The following RPS6KC1 variants were observed in gnomAD, a reference collection of about 807,000 sequenced individuals.
The protein encoded by RPS6KC1 is inactive ribosomal protein S6 kinase delta-1.
RPS6KC1 carries 54 observed loss-of-function variants against 103.8 expected under a neutral mutation model. The observed-to-expected ratio is 0.52, with a 90% CI of 0.42 to 0.65. The LOEUF is 0.65. RPS6KC1 is among the 30% of genes least tolerant of loss of function. The probability of loss-of-function intolerance (pLI) is 0.00; values close to 1 mark genes in which losing one functional copy is unlikely to be tolerated. For synonymous variants in RPS6KC1, 439 were observed against 438.7 expected (o/e 1.00, Z -0.01); for missense variants, 1,151 against 1,253.8 (o/e 0.92, Z 1.24).
the RPS6KC1 span, among the ~76,000 whole-genome samples, chr1:213,622,841 A>T: frequency 6.6e-6 from 1 of 152,156 alleles, no homozygotes; most frequent in Non-Finnish European, 1.5e-5. Context: ...CTAAAACCAC[A>T]AACCACTAGG....
the RPS6KC1 span, among the ~76,000 whole-genome samples, chr1:213,816,783 C>T: frequency 7.6e-4 from 116 of 152,286 alleles, no homozygotes; most frequent in African/African-American, 2.7e-3. Context: ...GGGCTGTCTG[C>T]CTCCCAAGCC....
the RPS6KC1 span, among the ~76,000 whole-genome samples, chr1:213,404,068 G>T: frequency 6.6e-6 from 1 of 152,272 alleles, no homozygotes; most frequent in East Asian, 1.9e-4. Flanking sequence ...GGATAGTCGC[G>T]GGGGCTGGGA....
chr1:213,461,024 A>G, the RPS6KC1 span, among the ~76,000 whole-genome samples: 217 of 152,204 alleles, frequency 1.4e-3, 1 homozygote, highest in Non-Finnish European at 2.2e-3. Flanking sequence ...ACATGATTGT[A>G]TATGTAGAAA....
chr1:213,815,267 A>C, the RPS6KC1 span, among the ~76,000 whole-genome samples: 1 of 152,164 alleles, frequency 6.6e-6, no homozygotes, highest in African/African-American at 2.4e-5. Flanking sequence ...ACTGTGAGTC[A>C]ATTAAACCTC....
At chr1:213,312,312 T>G in the RPS6KC1 span, among the ~76,000 whole-genome samples, 2 of 152,070 alleles carry the variant, frequency 1.3e-5, no homozygotes, top group Admixed American at 1.3e-4. Context: ...CACTTAGGTG[T>G]CTGGGAGCAG....
the RPS6KC1 span, among the ~76,000 whole-genome samples, chr1:213,362,743 G>A: frequency 2.6e-5 from 4 of 152,204 alleles, no homozygotes; most frequent in Non-Finnish European, 4.4e-5. Flanking sequence ...GTGTTGTTGG[G>A]TGAGATTAAA....
chr1:213,687,162 T>C, the RPS6KC1 span, among the ~76,000 whole-genome samples: 1 of 152,232 alleles, frequency 6.6e-6, no homozygotes, highest in African/African-American at 2.4e-5. Flanking sequence ...GCCAACCTCC[T>C]ATTTTATCCT....
intron 3 of RPS6KC1, among the ~76,000 whole-genome samples, chr1:213,095,936 G>C (rs939345453): frequency 6.6e-6 from 1 of 152,146 alleles, no homozygotes; most frequent in Non-Finnish European, 1.5e-5. Context: ...GGGTAGTTGT[G>C]GCAATTTCTT....
the RPS6KC1 span, among the ~76,000 whole-genome samples, chr1:213,431,226 G>C: frequency 6.6e-6 from 1 of 152,174 alleles, no homozygotes; most frequent in South Asian, 2.1e-4. Flanking sequence ...GGACTTGATG[G>C]GCAAGACTGT....
the RPS6KC1 span, among the ~76,000 whole-genome samples, chr1:213,407,021 G>A: frequency 6.6e-6 from 1 of 152,072 alleles, no homozygotes; most frequent in Non-Finnish European, 1.5e-5. Flanking sequence ...TGGTGCTGAG[G>A]TGCCTTTGCT....
At chr1:213,122,335 G>A (rs561531291) in intron 5 of RPS6KC1, among the ~76,000 whole-genome samples, 85 of 152,086 alleles carry the variant, frequency 5.6e-4, no homozygotes, top group African/African-American at 2.0e-3. Flanking sequence ...GCACTGGTTG[G>A]TCTAATTGGA....
the RPS6KC1 span, among the ~76,000 whole-genome samples, chr1:213,381,290 A>G: frequency 6.6e-6 from 1 of 151,928 alleles, no homozygotes; most frequent in Admixed American, 6.6e-5. Context: ...GGAGCACAGT[A>G]TTTTTCTTTC....
the RPS6KC1 span, among the ~76,000 whole-genome samples, chr1:213,856,637 A>G: frequency 1.3e-5 from 2 of 152,244 alleles, no homozygotes; most frequent in Admixed American, 1.3e-4. Flanking sequence ...AATTTTTACT[A>G]AAGTTATACT....
At chr1:213,350,787 T>C in the RPS6KC1 span, among the ~76,000 whole-genome samples, 26 of 152,200 alleles carry the variant, frequency 1.7e-4, no homozygotes, top group Non-Finnish European at 2.8e-4. Context: ...GTATTGCCTT[T>C]TAGTTTTTTT....
chr1:213,847,769 GA>G, the RPS6KC1 span, among the ~76,000 whole-genome samples: 615 of 152,234 alleles, frequency 4.0e-3, 6 homozygotes, highest in African/African-American at 0.014. Context: ...TCCTCTCTCA[GA>G]AGACGCCATT....
chr1:213,844,832 T>C, the RPS6KC1 span, among the ~76,000 whole-genome samples: 3 of 152,194 alleles, frequency 2.0e-5, no homozygotes, highest in Non-Finnish European at 2.9e-5. Context: ...CAGAAACTAG[T>C]CCAGCAAGAT....
At chr1:213,073,359 T>C (rs979298588) in intron 2 of RPS6KC1, among the ~76,000 whole-genome samples, 1 of 152,246 alleles carries the variant, frequency 6.6e-6, no homozygotes, top group Non-Finnish European at 1.5e-5. Context: ...TGTTTTTCTT[T>C]TATATATACC....
At chr1:213,709,889 T>G in the RPS6KC1 span, among the ~76,000 whole-genome samples, 4 of 152,218 alleles carry the variant, frequency 2.6e-5, no homozygotes, top group Admixed American at 6.5e-5. Flanking sequence ...ACAGACTTTT[T>G]GTTATGATTT....
chr1:213,405,929 C>G, the RPS6KC1 span, among the ~76,000 whole-genome samples: 1 of 152,184 alleles, frequency 6.6e-6, no homozygotes, highest in Non-Finnish European at 1.5e-5. Context: ...AAGCCTCCTC[C>G]GACCCGGCTA....
Sources: gnomAD v4.1 joint callset for allele counts (sites outside exome capture counted in the v4.1 genomes callset) on GRCh38, gnomAD v4.1.1 for gene constraint, MANE v1.5 for transcripts, NCBI Gene and HGNC (gene_info 2026-07-23, HGNC 2026-07-21) for gene names.